Variants in FAN1 observed in about 807,000 individuals in gnomAD.
The protein encoded by FAN1 is FANCD2 and FANCI associated nuclease 1, also known as fanconi-associated nuclease 1.
FAN1 carries 91 observed loss-of-function variants against 104.9 expected under a neutral mutation model. The observed-to-expected ratio is 0.87, with a 90% CI of 0.73 to 1.03. The LOEUF (loss-of-function observed/expected upper bound fraction) is 1.03. Ranked by LOEUF, FAN1 falls within the 50% of genes least tolerant of loss-of-function variation. The pLI, the probability that FAN1 is intolerant of heterozygous loss-of-function variation, is 0.00. For synonymous variants in FAN1, 478 were observed against 457.6 expected, an observed-to-expected ratio of 1.04 and a Z score of -0.57; for missense variants, 1,263 against 1,239.9, an observed-to-expected ratio of 1.02 and a Z score of -0.28.
Position 30,942,964 on chromosome 15 carries a change from G to A in FAN1, c.*1402G>A. On this transcript the variant is annotated 3_prime_UTR_variant, in exon 15 of 15. Transcript: ENST00000362065. The stretch of plus-strand genomic sequence containing the variant: ...CTCTTTCCAATGTAGAAGGGGTTAT[G>A]GAAAAGGGTGCGATCCTTTGCTGTA... The A allele has an allele frequency of 1.9e-6, 3 of 1,559,450 alleles. No individual in the cohort carries two copies. The highest frequency in any genetic ancestry group is 2.6e-6 in the Non-Finnish European group (3 of 1,150,020).
chr15:30,925,407 C>G (rs904827873), intron 9 of FAN1, 116 bp downstream of exon 9: 4 of 1,033,316 alleles, frequency 3.9e-6, no homozygotes, highest in African/African-American at 1.6e-5. Context: ...TCGGAATAAT[C>G]TAAAACTCGT....
At chr15:30,930,439 G>T in intron 12 of FAN1, 104 bp from the exon 13 acceptor site, 2 of 1,371,750 alleles carry the variant, frequency 1.5e-6, no homozygotes, top group South Asian at 1.5e-5. Context: ...CATGTGCACT[G>T]AATTACATAT....
rs1427252722 is a variant in FAN1, at chr15:30,930,664, A to T, written c.2909A>T (p.His970Leu). Residue 970 changes from histidine to leucine, a missense_variant, in exon 13 of 15, where the codon CAC becomes CTC. Coordinates refer to ENST00000362065, the MANE Select transcript of FAN1 (RefSeq NM_014967.5). The stretch of plus-strand genomic sequence containing the variant: ...GTGGTGTGGAACTCCCAGAGCCGTC[A>T]CTTTAAGGTCAGTTGAGGCAGAATG... Reference protein sequence around the residue: ...DLVVWNSQSRHFKLVEVKGPN... With the variant: ...DLVVWNSQSRLFKLVEVKGPN... 6.2e-7 allele frequency: 1 copy of T among 1,612,528 alleles called. No homozygotes were observed. Among genetic ancestry groups the T allele is most frequent in the South Asian group, 1.1e-5 (1 of 90,752 alleles).
intron 14 of FAN1, among the ~76,000 whole-genome samples, chr15:30,938,745 A>G (rs982769247): frequency 3.9e-5 from 6 of 152,182 alleles, no homozygotes; most frequent in Admixed American, 3.3e-4. Context: ...TTAGGGCATG[A>G]TCTATCAATA....
rs756787166 is a variant in FAN1 at position 30,912,509 on chromosome 15, T to C, written c.1578-1349T>C. ...GTGGAGGTGGATGAAATGGGTACTT[T>C]GGGGCAGTCTGTAGATGAGTGGCTC... On this transcript the variant is annotated intron_variant, in intron 4 of 14. Transcript: ENST00000362065. 5.3e-5 allele frequency among the ~76,000 whole-genome samples: 8 copies of C among 152,324 alleles called. No homozygotes were observed. In the South Asian group the frequency reaches 1.5e-3, roughly 28 times the overall value.
Position 30,920,634 on chromosome 15 carries a change from A to G in FAN1, c.2033A>G (p.Gln678Arg), listed in dbSNP as rs2062306177. 5 of 1,608,096 alleles carry G rather than the reference A, an allele frequency of 3.1e-6. No homozygotes were observed. The highest frequency in any genetic ancestry group is 2.7e-5 in the African/African-American group (2 of 74,800). ...RILSRFVEIL[Q>R]RLHMYEEAVR... The stretch of plus-strand genomic sequence containing the variant: ...TTGTCTCGGTTTGTGGAAATACTGC[A>G]GAGACTTCACATGTATGAGGTTAGA... Residue 678 changes from glutamine (Q) to arginine (R), a missense_variant, in exon 7 of 15, where the codon CAG (glutamine) becomes CGG (arginine). Gln to Arg is a conservative substitution (Grantham distance 43). This residue lies in a region of FAN1 where 581 missense variants were observed against 668.8 expected (regional missense o/e 0.87). Transcript: ENST00000362065.
At chr15:30,918,371 C>A in intron 6 of FAN1, 76 bp downstream of exon 6, 2 of 1,457,210 alleles carry the variant, frequency 1.4e-6, no homozygotes, top group South Asian at 1.2e-5. Flanking sequence ...TAATTTTCTT[C>A]ATGAAGAATA....
intron 9 of FAN1, 75 bp downstream of exon 9, chr15:30,925,366 A>G: frequency 1.5e-6 from 2 of 1,352,048 alleles, no homozygotes; most frequent in Non-Finnish European, 1.0e-6. Flanking sequence ...GCATCCTAAG[A>G]GCTGTTTTGA....
At chr15:30,912,555 T>G (rs2062120687) in intron 4 of FAN1, among the ~76,000 whole-genome samples, 1 of 152,158 alleles carries the variant, frequency 6.6e-6, no homozygotes, top group Non-Finnish European at 1.5e-5. Context: ...GGTGGTGTGA[T>G]AGGAATCCCA....
chr15:30,905,732 T>C lies in FAN1; in HGVS notation c.1069T>C (p.Leu357=), dbSNP rs2061962511. ...LNNDIPHSIP[L]EQGSSCNGPG... ...CAATGATATCCCTCACAGCATTCCT[T>C]TGGAGCAGGGGTCAAGCTGCAATGG... Residue 357 remains leucine, a synonymous_variant, in exon 2 of 15, where the codon TTG becomes CTG. Transcript: ENST00000362065. The C allele has an allele frequency of 1.9e-6, 3 of 1,614,142 alleles. No homozygotes were observed. Among genetic ancestry groups the C allele is most frequent in the Non-Finnish European group, 2.5e-6 (3 of 1,180,016 alleles).
intron 4 of FAN1, among the ~76,000 whole-genome samples, chr15:30,913,220 G>A (rs905624850): frequency 1.3e-5 from 2 of 152,170 alleles, no homozygotes; most frequent in Admixed American, 6.5e-5. Context: ...ATTGTGAACT[G>A]CGCATGCGAG....
In FAN1 at chr15:30,905,830, TGAA is replaced by T; in HGVS notation, c.1170_1172del (p.Glu390del). Reference sequence around the variant, plus strand: ...TGGTGCTGAAAACCGTACTTGAGAATGAAGATGATATGTTGCTCTTTGATGAGC... The same window carrying T: ...TGGTGCTGAAAACCGTACTTGAGAATGATGATATGTTGCTCTTTGATGAGC... On this transcript the variant is annotated inframe_deletion, in exon 2 of 15. Transcript: ENST00000362065. 6.2e-7 allele frequency: 1 copy of T among 1,614,144 alleles called. No homozygotes were observed. Among genetic ancestry groups the T allele is most frequent in the Non-Finnish European group, 8.5e-7 (1 of 1,179,980 alleles).
At chr15:30,910,015 G>A (rs1244503088) in intron 3 of FAN1, among the ~76,000 whole-genome samples, 7 of 152,178 alleles carry the variant, frequency 4.6e-5, no homozygotes, top group Non-Finnish European at 1.0e-4. Context: ...TAGCATGCCC[G>A]GGGCCTTAGA....
chr15:30,904,818 C>T lies in FAN1; in HGVS notation c.155C>T (p.Pro52Leu). The change falls in exon 2 of 15, where the codon CCT becomes CTT. Residue 52 changes from proline (P) to leucine (L), a missense_variant. Pro to Leu is a moderately conservative substitution (Grantham distance 98). Coordinates refer to ENST00000362065, the MANE Select transcript of FAN1 (RefSeq NM_014967.5). ...LACPVCSKMV[P>L]RYDLNRHLDE... ...TGCCCCGTTTGCAGTAAAATGGTGC[C>T]TAGATATGACTTAAACCGGCACCTT... 1 of 1,613,442 alleles carries T rather than the reference C, an allele frequency of 6.2e-7. No individual in the cohort carries two copies. Among genetic ancestry groups the T allele is most frequent in the Admixed American group, 1.7e-5 (1 of 60,010 alleles).
rs778253900 is a variant in FAN1, at chr15:30,942,038, G to A, written c.*476G>A. On this transcript the variant is annotated 3_prime_UTR_variant, in exon 15 of 15. Transcript: ENST00000362065. The stretch of plus-strand genomic sequence containing the variant: ...ACTGATGATTCCATTCTTTAAGGCA[G>A]ACGGCATTCCTCTTAGTGTGGAGCT... 9 of 1,613,884 alleles carry A rather than the reference G, an allele frequency of 5.6e-6. No individual in the cohort carries two copies. In the Admixed American group the frequency reaches 1.5e-4, roughly 27 times the overall value.
intron 13 of FAN1, among the ~76,000 whole-genome samples, chr15:30,932,153 T>C (rs1595882293): frequency 7.4e-6 from 1 of 135,878 alleles, no homozygotes; most frequent in African/African-American, 2.8e-5. Context: ...ACTCAGGAGG[T>C]GGAGCTTGCA....
At chr15:30,907,169 C>T (rs1212411016) in intron 2 of FAN1, among the ~76,000 whole-genome samples, 1 of 151,750 alleles carries the variant, frequency 6.6e-6, no homozygotes, top group African/African-American at 2.4e-5. Flanking sequence ...TGACCTTGAA[C>T]TCTTGGTCCC....
At position 30,905,606 on chromosome 15, in the gene FAN1, C is replaced by G. The variant is rs1208904193; in HGVS notation, c.943C>G (p.Gln315Glu). 2 of 1,614,054 alleles carry G rather than the reference C, an allele frequency of 1.2e-6. No individual in the cohort carries two copies. Among genetic ancestry groups the G allele is most frequent in the Non-Finnish European group, 1.7e-6 (2 of 1,179,940 alleles). Residue 315 changes from glutamine (Q) to glutamate (E), a missense_variant, in exon 2 of 15, where the codon CAG (glutamine) becomes GAG (glutamate). Gln to Glu is a conservative substitution (Grantham distance 29). This residue lies in a region of FAN1 where 682 missense variants were observed against 571.1 expected (regional missense o/e 1.19). Coordinates refer to ENST00000362065, the MANE Select transcript of FAN1 (RefSeq NM_014967.5). ...GACTGTTGCTTCAGAAGCTAAAATA[C>G]AGCTGTCAGATTCAGAGGCAAAATC... ...KMTVASEAKI[Q>E]LSDSEAKSHS...
At chr15:30,931,093 G>C (rs1004829367) in intron 13 of FAN1, among the ~76,000 whole-genome samples, 1 of 152,158 alleles carries the variant, frequency 6.6e-6, no homozygotes, top group Non-Finnish European at 1.5e-5. Context: ...AAGGATAAAT[G>C]CTTGAGGGGA....
Sources: gnomAD v4.1 joint callset for allele counts (sites outside exome capture counted in the v4.1 genomes callset) on GRCh38, gnomAD v4.1.1 for gene constraint, gnomAD v4.1.1 regional missense constraint, MANE v1.5 for transcripts, NCBI Gene and HGNC (gene_info 2026-07-23, HGNC 2026-07-21) for gene names.